The following GIT2 variants were observed in gnomAD, a reference collection of about 807,000 sequenced individuals.
GIT2 encodes GIT ArfGAP 2.
Under a neutral mutation model 100.3 loss-of-function variants are expected in GIT2, and 32 were observed. The ratio of observed to expected loss-of-function variants is 0.32; its 90% confidence interval spans 0.24 to 0.43. GIT2 has a LOEUF of 0.43. GIT2 is among the 20% of genes least tolerant of loss of function. The probability of loss-of-function intolerance (pLI) is 1.00; values close to 1 mark genes in which losing one functional copy is unlikely to be tolerated. For synonymous variants in GIT2, 353 were observed against 364.1 expected (o/e 0.97, Z 0.35); for missense variants, 737 against 975.1 (o/e 0.76, Z 3.25).
chr12:109,955,685 A>C (rs571579003), intron 12 of GIT2, among the ~76,000 whole-genome samples: 1 of 152,230 alleles, frequency 6.6e-6, no homozygotes, highest in Admixed American at 6.5e-5. Context: ...AACACTAGAC[A>C]GCACTTCAGG....
At chr12:109,967,006 C>T (rs1395596576) in intron 8 of GIT2, among the ~76,000 whole-genome samples, 1 of 152,000 alleles carries the variant, frequency 6.6e-6, no homozygotes, top group African/African-American at 2.4e-5. Flanking sequence ...ATAGACACAC[C>T]CATTCATTTA....
At chr12:109,967,631 C>CT in intron 7 of GIT2, 128 bp from the exon 8 acceptor site, 1 of 686,694 alleles carries the variant, frequency 1.5e-6, no homozygotes, top group Middle Eastern at 4.0e-4. Context: ...AGTCATGTTG[C>CT]TAGACTAGCT....
Position 109,966,526 on chromosome 12 carries a change from A to G in GIT2, c.764+932T>C, listed in dbSNP as rs567033081. Among the ~76,000 whole-genome samples the G allele has an allele frequency of 4.0e-3, 604 of 150,444 alleles. 1 individual carries two copies. Among genetic ancestry groups the G allele is most frequent in the Non-Finnish European group, 6.9e-3 (465 of 67,496 alleles). ...TCTGTCTCAAAAAAAAAAAAAAAAA[A>G]AAAGAAAGAAAAGAAAATACAAGGC... On this transcript the variant is annotated intron_variant, in intron 8 of 19. Coordinates refer to ENST00000355312, the MANE Select transcript of GIT2 (RefSeq NM_057169.5).
intron 15 of GIT2, 97 bp from the exon 16 acceptor site, chr12:109,945,446 C>T: frequency 1.4e-6 from 1 of 706,496 alleles, no homozygotes; most frequent in Admixed American, 2.0e-5. Context: ...GAACACCACA[C>T]ATTATGTGAC....
At chr12:110,000,071 G>A (rs931169845), upstream of GIT2, among the ~76,000 whole-genome samples, 1 of 152,202 alleles carries the variant, frequency 6.6e-6, no homozygotes, top group African/African-American at 2.4e-5. Context: ...TACGTGCCTT[G>A]TGCGAGGCCG....
intron 4 of GIT2, 23 bp from the exon 5 acceptor site, chr12:109,983,717 A>G (rs1021163688): frequency 1.5e-5 from 23 of 1,540,096 alleles, no homozygotes; most frequent in Non-Finnish European, 2.1e-5. Flanking sequence ...GAAACAAAAA[A>G]GGAATCGTGG....
chr12:109,953,369 C>A (rs1471982843), intron 12 of GIT2, 135 bp from the exon 13 acceptor site: 2 of 834,480 alleles, frequency 2.4e-6, no homozygotes, highest in Admixed American at 2.2e-5. Flanking sequence ...CCTGTAATCC[C>A]AGCATTCTAG....
chr12:109,959,288 G>A (rs367724565), intron 12 of GIT2, among the ~76,000 whole-genome samples: 8 of 151,838 alleles, frequency 5.3e-5, no homozygotes, highest in Admixed American at 2.6e-4. Context: ...GGCTGGTCTC[G>A]AACTCCTGAC....
At chr12:109,957,308 T>C (rs1006193246) in intron 12 of GIT2, among the ~76,000 whole-genome samples, 2 of 152,166 alleles carry the variant, frequency 1.3e-5, no homozygotes, top group African/African-American at 4.8e-5. Context: ...CCGTGTGATC[T>C]CTGCACATGT....
rs773832034 is a variant in GIT2 at position 109,980,942 on chromosome 12, A to G, written c.718+10T>C. On this transcript the variant is annotated intron_variant, in intron 7 of 19. Coordinates refer to ENST00000355312, the MANE Select transcript of GIT2 (RefSeq NM_057169.5). ...TGGAGATGTGAAACGGTCATTCTCC[A>G]TCCACTCACCTGGTTTCCTGCCACA... is the stretch of plus-strand genomic sequence containing the variant. The G allele has an allele frequency of 1.3e-6, 2 of 1,541,078 alleles. No homozygotes were observed. Among genetic ancestry groups the G allele is most frequent in the Non-Finnish European group, 1.8e-6 (2 of 1,113,190 alleles).
chr12:109,991,636 T>C lies in GIT2; in HGVS notation c.177A>G (p.Thr59=). ...RHLKHTPWPP[T]LLQMVETLYN... is the part of the protein sequence containing the mutation. ...AATTCTTATCCTTTACCTGAAGCAG[T>C]GTTGGAGGCCACGGTGTGTGTTTCA... is the stretch of plus-strand genomic sequence containing the variant. The change falls in exon 2 of 20, where the codon ACA becomes ACG. Residue 59 remains threonine, a synonymous_variant. Transcript: ENST00000355312. 1 of 1,612,982 alleles carries C rather than the reference T, an allele frequency of 6.2e-7. No homozygotes were observed. Among genetic ancestry groups the C allele is most frequent in the Non-Finnish European group, 8.5e-7 (1 of 1,178,948 alleles).
chr12:109,967,412 A>G, intron 8 of GIT2, 46 bp downstream of exon 8: 1 of 1,515,628 alleles, frequency 6.6e-7, no homozygotes, highest in Non-Finnish European at 9.2e-7. Context: ...ACAACCAAGG[A>G]AATATTAGCG....
At chr12:109,992,796 C>T (rs1044528873) in intron 1 of GIT2, among the ~76,000 whole-genome samples, 19 of 152,066 alleles carry the variant, frequency 1.2e-4, no homozygotes, top group African/African-American at 1.4e-4. Flanking sequence ...CTCAGCCTCC[C>T]GAGTAGCTGG....
At position 109,933,478 on chromosome 12, in the gene GIT2, C is replaced by A. The variant is rs918536718; in HGVS notation, c.2068-288G>T. Reference sequence around the variant, plus strand: ...TATTAATCCATGTGGGTAAAATATTCCAGAAAATCCTATAAATTTTAAAAT... The same window carrying A: ...TATTAATCCATGTGGGTAAAATATTACAGAAAATCCTATAAATTTTAAAAT... On this transcript the variant is annotated intron_variant, in intron 19 of 19. Coordinates refer to ENST00000355312, the MANE Select transcript of GIT2 (RefSeq NM_057169.5). The surrounding 1 kb of genome is among the most constrained non-coding windows in gnomAD (Gnocchi z 4.5). 11 of 318,298 alleles carry A rather than the reference C, an allele frequency of 3.5e-5. No individual in the cohort carries two copies. Among genetic ancestry groups the A allele is most frequent in the Non-Finnish European group, 5.8e-5 (10 of 173,408 alleles). The allele number at this position is 318,298 out of a possible 1,614,324, so 19.7% of individuals were successfully genotyped here.
intron 7 of GIT2, among the ~76,000 whole-genome samples, chr12:109,974,249 G>A (rs918953379): frequency 6.6e-6 from 1 of 151,768 alleles, no homozygotes; most frequent in Admixed American, 6.6e-5. Context: ...GTTCAGGGCC[G>A]GGCACGGTGG....
At chr12:109,972,913 C>T (rs1485012249) in intron 7 of GIT2, among the ~76,000 whole-genome samples, 1 of 152,096 alleles carries the variant, frequency 6.6e-6, no homozygotes, top group East Asian at 1.9e-4. Context: ...GCCTTGACCT[C>T]CTGGGCTCAA....
At chr12:109,952,646 A>T (rs1012272174) in intron 13 of GIT2, 2 of 519,674 alleles carry the variant, frequency 3.8e-6, no homozygotes, top group Non-Finnish European at 7.7e-6. Context: ...CTTGAGGCGC[A>T]TCTTAAGAGC....
upstream of GIT2, among the ~76,000 whole-genome samples, chr12:109,996,723 C>T (rs552568928): frequency 6.6e-6 from 1 of 152,336 alleles, no homozygotes; most frequent in Non-Finnish European, 1.5e-5. Context: ...TGAGCAAAGA[C>T]TGAATTTCTA....
upstream of GIT2, among the ~76,000 whole-genome samples, chr12:109,997,086 T>C (rs1889543945): frequency 6.6e-6 from 1 of 151,554 alleles, no homozygotes; most frequent in South Asian, 2.1e-4. Flanking sequence ...GGCAGGAGCC[T>C]GTAATCTCAG....
Sources: allele counts gnomAD v4.1 joint callset (sites outside exome capture counted in the v4.1 genomes callset), GRCh38; gene constraint gnomAD v4.1.1; non-coding constraint Gnocchi (gnomAD v3.1); transcripts MANE v1.5; gene names NCBI Gene and HGNC (gene_info 2026-07-23, HGNC 2026-07-21).